The following RBM20 variants were observed in gnomAD, a reference collection of about 807,000 sequenced individuals.
RBM20 encodes RNA binding motif protein 20.
A neutral mutation model predicts 110.1 loss-of-function variants in RBM20; 51 were observed. The ratio of observed to expected loss-of-function variants is 0.46; its 90% CI spans 0.37 to 0.59. The LOEUF (loss-of-function observed/expected upper bound fraction) is 0.59. Ranked by LOEUF, RBM20 falls within the 20% of genes least tolerant of loss-of-function variation. RBM20 has a pLI of 0.00. For missense variants in RBM20, 1,512 were observed against 1,574.9 expected (o/e 0.96, Z 0.68); for synonymous variants, 589 against 618.2 (o/e 0.95, Z 0.70).
chr10:110,741,487 A>C (rs1843724790), intron 1 of RBM20, among the ~76,000 whole-genome samples: 1 of 151,954 alleles, frequency 6.6e-6, no homozygotes, highest in Admixed American at 6.6e-5. Context: ...TCCTCCATCA[A>C]CTCAGAAAGT....
intron 1 of RBM20, among the ~76,000 whole-genome samples, chr10:110,776,222 A>G (rs1026132618): frequency 1.3e-5 from 2 of 152,182 alleles, no homozygotes; most frequent in Non-Finnish European, 1.5e-5. Context: ...GGGGGGATCA[A>G]TTCATACCAG....
intron 1 of RBM20, among the ~76,000 whole-genome samples, chr10:110,775,072 G>C (rs1232981594): frequency 1.3e-5 from 2 of 152,206 alleles, no homozygotes; most frequent in East Asian, 3.8e-4. Context: ...AGTCTCTCCT[G>C]TGTTGACACT....
intron 1 of RBM20, among the ~76,000 whole-genome samples, chr10:110,747,167 T>C (rs1182689535): frequency 1.3e-5 from 2 of 152,174 alleles, no homozygotes; most frequent in East Asian, 1.9e-4. Context: ...TGCAAGTCTA[T>C]AAGTATTTCA....
Position 110,718,549 on chromosome 10 carries a change from C to G in RBM20, c.192-62252C>G, listed in dbSNP as rs574948861. On this transcript the variant is annotated intron_variant, in intron 1 of 13. Coordinates refer to ENST00000369519, the MANE Select transcript of RBM20 (RefSeq NM_001134363.3). ...GGTTATTACATGTATTCTTCTATAACTTTTTTAGTTTTTTTTTTTTGAGAT... is the reference window on the plus strand; with the variant it reads ...GGTTATTACATGTATTCTTCTATAAGTTTTTTAGTTTTTTTTTTTTGAGAT... Among the ~76,000 whole-genome samples the G allele has an allele frequency of 1.7e-3, 187 of 106,892 alleles. 1 individual carries two copies. The highest frequency in any genetic ancestry group is 5.9e-3 in the African/African-American group (179 of 30,258). The allele number at this position is 106,892 out of a possible 152,430, so 70.1% of individuals were successfully genotyped here.
intron 5 of RBM20, among the ~76,000 whole-genome samples, chr10:110,792,173 AT>A (rs1844492588): frequency 6.6e-6 from 1 of 151,566 alleles, no homozygotes; most frequent in African/African-American, 2.4e-5. Context: ...CTATCTATCT[AT>A]CTATCTATCT....
At chr10:110,695,848 T>G (rs1207418850) in intron 1 of RBM20, among the ~76,000 whole-genome samples, 1 of 152,242 alleles carries the variant, frequency 6.6e-6, no homozygotes. Flanking sequence ...GTTCTAATTA[T>G]GTCTGCATCA....
At chr10:110,680,722 C>T (rs1862410864) in intron 1 of RBM20, among the ~76,000 whole-genome samples, 1 of 152,126 alleles carries the variant, frequency 6.6e-6, no homozygotes, top group African/African-American at 2.4e-5. Context: ...TGGGGCTTGG[C>T]AGGACCTTCT....
intron 1 of RBM20, among the ~76,000 whole-genome samples, chr10:110,741,724 C>A (rs1843727364): frequency 6.6e-6 from 1 of 152,026 alleles, no homozygotes; most frequent in Non-Finnish European, 1.5e-5. Context: ...GCCCCCTGCC[C>A]CCCATCACCT....
At chr10:110,745,473 C>G (rs1340927714) in intron 1 of RBM20, among the ~76,000 whole-genome samples, 3 of 152,214 alleles carry the variant, frequency 2.0e-5, no homozygotes, top group African/African-American at 4.8e-5. Flanking sequence ...CCTGTCCCCA[C>G]TAGCTTTTGT....
chr10:110,643,895 TGC>T (rs1022767397), upstream of RBM20, among the ~76,000 whole-genome samples: 2 of 152,154 alleles, frequency 1.3e-5, no homozygotes, highest in Non-Finnish European at 2.9e-5. Flanking sequence ...GCACGGGCGA[TGC>T]GCGCGGACGT....
At chr10:110,679,950 A>T (rs1453683548) in intron 1 of RBM20, among the ~76,000 whole-genome samples, 1 of 152,152 alleles carries the variant, frequency 6.6e-6, no homozygotes, top group African/African-American at 2.4e-5. Context: ...CCTCAATCTC[A>T]GTTTCATCCC....
intron 1 of RBM20, among the ~76,000 whole-genome samples, chr10:110,708,305 A>C (rs1862872053): frequency 6.6e-6 from 1 of 152,228 alleles, no homozygotes; most frequent in Non-Finnish European, 1.5e-5. Context: ...ATTCAGCTCA[A>C]ACTAGCTTTG....
intron 1 of RBM20, among the ~76,000 whole-genome samples, chr10:110,758,018 T>C: frequency 8.9e-6 from 1 of 112,726 alleles, no homozygotes. Context: ...CTTGTTCTTT[T>C]TTTTTTTTTT....
intron 1 of RBM20, among the ~76,000 whole-genome samples, chr10:110,685,456 G>A (rs898800047): frequency 6.6e-6 from 1 of 152,174 alleles, no homozygotes; most frequent in African/African-American, 2.4e-5. Context: ...AATGGTCATG[G>A]GGTAGCTGGA....
chr10:110,822,582 CA>C (rs1844928835), intron 11 of RBM20: 3 of 427,528 alleles, frequency 7.0e-6, no homozygotes, highest in African/African-American at 2.0e-5. Context: ...TAAGATCCAT[CA>C]GGGGGTTTGG....
In RBM20 at chr10:110,812,728, T is replaced by C. The variant is rs1428730678; in HGVS notation, c.2331T>C (p.Asp777=). ...KSDKYLKQQQ[D]APGRSRRKDE... is the part of the protein sequence containing the mutation. ...ACAAGTATCTGAAGCAGCAGCAGGA[T>C]GCCCCCGGGAGGTCCAGGAGGAAAG... The change falls in exon 9 of 14, where the codon GAT becomes GAC. Residue 777 remains aspartate (D), a synonymous_variant. Coordinates refer to ENST00000369519, the MANE Select transcript of RBM20 (RefSeq NM_001134363.3). The C allele has an allele frequency of 1.3e-6, 2 of 1,551,668 alleles. No individual in the cohort carries two copies. Among genetic ancestry groups the C allele is most frequent in the African/African-American group, 1.4e-5 (1 of 73,156 alleles).
At chr10:110,718,283 G>A (rs1379568673) in intron 1 of RBM20, among the ~76,000 whole-genome samples, 1 of 152,140 alleles carries the variant, frequency 6.6e-6, no homozygotes, top group Admixed American at 6.5e-5. Context: ...CATTTTATAA[G>A]CAATATATAA....
intron 5 of RBM20, among the ~76,000 whole-genome samples, chr10:110,786,055 T>A (rs2135053124): frequency 6.6e-6 from 1 of 152,312 alleles, no homozygotes; most frequent in African/African-American, 2.4e-5. Context: ...AAGCTTCATC[T>A]CTCCTTTTTC....
chr10:110,754,294 CACTGGTA>C (rs1342099659), intron 1 of RBM20, among the ~76,000 whole-genome samples: 2 of 152,160 alleles, frequency 1.3e-5, no homozygotes, highest in Non-Finnish European at 2.9e-5. Context: ...TCACTGTGAT[CACTGGTA>C]ACTACGATGG....
Sources: gnomAD v4.1 joint callset for allele counts (sites outside exome capture counted in the v4.1 genomes callset) on GRCh38, gnomAD v4.1.1 for gene constraint, MANE v1.5 for transcripts, NCBI Gene and HGNC (gene_info 2026-07-23, HGNC 2026-07-21) for gene names.